Variants in DNAH5 observed in about 807,000 individuals in gnomAD.
The protein encoded by DNAH5 is axonemal beta dynein heavy chain 5.
In DNAH5, 372 loss-of-function variants were observed where a neutral mutation model predicts 518.2. The observed-to-expected ratio is 0.72, with a 90% confidence interval of 0.66 to 0.78. The LOEUF (loss-of-function observed/expected upper bound fraction) is 0.78. Among genes scored for constraint, DNAH5 ranks in the 30% least tolerant of loss-of-function variants. The pLI is 0.00. For synonymous variants in DNAH5, 2,039 were observed against 2,025.9 expected (o/e 1.01, Z -0.17); for missense variants, 5,523 against 5,687.0 (o/e 0.97, Z 0.93).
chr5:13,789,311 T>C (rs7709692), intron 50 of DNAH5, among the ~76,000 whole-genome samples: 39,340 of 152,010 alleles, frequency 0.26, 5,368 homozygotes, highest in South Asian at 0.36. Flanking sequence ...ACTGAAAAAT[T>C]ACAAAGGTGT....
At chr5:13,818,221 C>T (rs768418565) in intron 41 of DNAH5, among the ~76,000 whole-genome samples, 5 of 152,208 alleles carry the variant, frequency 3.3e-5, no homozygotes, top group Admixed American at 1.3e-4. Flanking sequence ...CACCCTAAGC[C>T]GACTCTTCAG....
chr5:13,873,266 C>T (rs1179836330), intron 22 of DNAH5, among the ~76,000 whole-genome samples: 2 of 152,122 alleles, frequency 1.3e-5, no homozygotes, highest in Non-Finnish European at 2.9e-5. Flanking sequence ...AAGCTTCTTT[C>T]ATCTTTTATA....
intron 30 of DNAH5, among the ~76,000 whole-genome samples, chr5:13,851,796 T>C (rs1267964531): frequency 1.3e-5 from 2 of 152,026 alleles, no homozygotes; most frequent in Non-Finnish European, 2.9e-5. Context: ...GATGGCCGAA[T>C]AGGAATAGTT....
intron 1 of DNAH5, among the ~76,000 whole-genome samples, chr5:13,941,793 A>G (rs180942816): frequency 6.6e-5 from 10 of 152,348 alleles, no homozygotes; most frequent in African/African-American, 2.4e-4. Context: ...CACATACAGC[A>G]CAAAACAGGA....
chr5:13,944,836 G>A (rs908865786), upstream of DNAH5, among the ~76,000 whole-genome samples: 2 of 152,196 alleles, frequency 1.3e-5, no homozygotes, highest in Admixed American at 6.5e-5. Context: ...TAAGCATTGA[G>A]TCAACAGTGA....
rs544581376 is a variant in DNAH5 at position 13,901,584 on chromosome 5, T to G, written c.1731-11A>C. On this transcript the variant is annotated splice_polypyrimidine_tract_variant and intron_variant, in intron 13 of 78. Transcript: ENST00000265104. ...TTAGGTATATTCAATCTGATTTTTTTAAAAAGTTAAAAGCTTGAATTAATG... is the reference window on the plus strand; with the variant it reads ...TTAGGTATATTCAATCTGATTTTTTGAAAAAGTTAAAAGCTTGAATTAATG... 6.4e-7 allele frequency: 1 copy of G among 1,571,188 alleles called. No individual in the cohort carries two copies. Among genetic ancestry groups the G allele is most frequent in the South Asian group, 1.1e-5 (1 of 87,740 alleles).
At chr5:13,921,262 G>C (rs1013624699) in intron 5 of DNAH5, among the ~76,000 whole-genome samples, 3 of 151,942 alleles carry the variant, frequency 2.0e-5, no homozygotes, top group Non-Finnish European at 4.4e-5. Flanking sequence ...CCTTTGGAAA[G>C]CGTAATGCCC....
chr5:13,797,234 C>G (rs1757971573), intron 47 of DNAH5, among the ~76,000 whole-genome samples: 2 of 152,096 alleles, frequency 1.3e-5, no homozygotes, highest in South Asian at 4.1e-4. Flanking sequence ...TTCTGCACAG[C>G]AAAAGAAACT....
At position 13,748,403 on chromosome 5, in the gene DNAH5, C is replaced by T. The variant is rs1291816874; in HGVS notation, c.11211+2675G>A. On this transcript the variant is annotated intron_variant, in intron 65 of 78. Coordinates refer to ENST00000265104, the MANE Select transcript of DNAH5 (RefSeq NM_001369.3). ...ATATGAACTTTAAAGTAGTTTTTTC[C>T]AATTCTGTGAAGAAAGTCATTGGTA... 1.0e-3 allele frequency among the ~76,000 whole-genome samples: 154 copies of T among 152,142 alleles called. 1 individual carries two copies. The highest frequency in any genetic ancestry group is 1.4e-3 in the East Asian group (7 of 5,182).
chr5:13,841,758 C>T lies in DNAH5; in HGVS notation c.5418G>A (p.Gln1806=), dbSNP rs768510819. The change falls in exon 33 of 79, where the codon CAG becomes CAA. Residue 1806 remains glutamine (Q), a synonymous_variant. Transcript: ENST00000265104. The part of the protein sequence containing the change: ...SQSSLHLVIR[Q]AAANIQETGF... ...CTGTTTCTTGAATATTTGCGGCTGC[C>T]TGGCGAATCACAAGATGCAATGAGG... is the stretch of plus-strand genomic sequence containing the variant. 6.2e-7 allele frequency: 1 copy of T among 1,614,034 alleles called. No homozygotes were observed. Among genetic ancestry groups the T allele is most frequent in the South Asian group, 1.1e-5 (1 of 91,076 alleles).
At chr5:13,722,235 G>C (rs116537372) in intron 70 of DNAH5, among the ~76,000 whole-genome samples, 1 of 152,210 alleles carries the variant, frequency 6.6e-6, no homozygotes, top group East Asian at 1.9e-4. Flanking sequence ...AGATAGACCC[G>C]GATCAAAGGG....
chr5:13,737,665 C>G (rs894313385), intron 65 of DNAH5, among the ~76,000 whole-genome samples, 170 bp from the exon 66 acceptor site: 1 of 152,154 alleles, frequency 6.6e-6, no homozygotes, highest in Admixed American at 6.6e-5. Flanking sequence ...GGGCTCACAC[C>G]TGTAATCCCA....
At chr5:13,941,756 A>C (rs1433808973) in intron 1 of DNAH5, among the ~76,000 whole-genome samples, 1 of 152,224 alleles carries the variant, frequency 6.6e-6, no homozygotes, top group Non-Finnish European at 1.5e-5. Flanking sequence ...CTGAAAGTTC[A>C]TGAGCAACAG....
At chr5:13,989,455 T>C (rs1238393037) in intron 1 of DNAH5, among the ~76,000 whole-genome samples, 2 of 149,688 alleles carry the variant, frequency 1.3e-5, no homozygotes, top group Non-Finnish European at 3.0e-5. Context: ...AATAAATAAA[T>C]AACGTGTGCA....
Position 13,719,097 on chromosome 5 carries a change from C to T in DNAH5, c.12284G>A (p.Gly4095Glu), listed in dbSNP as rs1744700508. The T allele has an allele frequency of 6.2e-7, 1 of 1,613,304 alleles. No homozygotes were observed. The highest frequency in any genetic ancestry group is 8.5e-7 in the Non-Finnish European group (1 of 1,179,496). Reference protein sequence around the residue: ...KLLQQTMANGGWALLQNCHLG... With the variant: ...KLLQQTMANGEWALLQNCHLG... ...ATGGCAGTTCTGCAGAAGTGCCCAT[C>T]CTCCCTGTCAATAGCAGTAAACGGA... The change falls in exon 72 of 79, where the codon GGA becomes GAA. Residue 4095 changes from glycine to glutamate, a missense_variant. Gly to Glu is a moderately conservative substitution (Grantham distance 98). Around this residue, in one of 3 missense-constraint regions of DNAH5, gnomAD observed 5,121 missense variants for 5,223.3 expected, o/e 0.98. Transcript: ENST00000265104.
At chr5:13,692,301 G>A (rs1479851906) in intron 78 of DNAH5, among the ~76,000 whole-genome samples, 166 bp from the exon 79 acceptor site, 2 of 152,156 alleles carry the variant, frequency 1.3e-5, no homozygotes, top group Non-Finnish European at 2.9e-5. Flanking sequence ...ATGTGAGGCA[G>A]ATGCTCCCAC....
chr5:13,754,407 T>C, intron 61 of DNAH5, 69 bp from the exon 62 acceptor site: 5 of 1,562,984 alleles, frequency 3.2e-6, no homozygotes, highest in Non-Finnish European at 3.5e-6. Context: ...AAAAATATAA[T>C]TGTAGAACAC....
intron 78 of DNAH5, among the ~76,000 whole-genome samples, chr5:13,692,527 G>C (rs927381315): frequency 6.6e-6 from 1 of 152,060 alleles, no homozygotes; most frequent in African/African-American, 2.4e-5. Context: ...AGCACCAGTG[G>C]GCATTACTTT....
intron 32 of DNAH5, among the ~76,000 whole-genome samples, chr5:13,842,461 A>AAG (rs1765377290): frequency 9.9e-6 from 1 of 100,760 alleles, no homozygotes; most frequent in East Asian, 4.2e-4. Flanking sequence ...GAAAGAAAGA[A>AAG]AGAAAGAAAG....
Sources: gnomAD v4.1 joint callset for allele counts (sites outside exome capture counted in the v4.1 genomes callset) on GRCh38, gnomAD v4.1.1 for gene constraint, gnomAD v4.1.1 regional missense constraint, MANE v1.5 for transcripts, NCBI Gene and HGNC (gene_info 2026-07-23, HGNC 2026-07-21) for gene names.